PLCH1: variants seen among roughly 807,000 people sequenced by gnomAD.
PLCH1 encodes 1-phosphatidylinositol 4,5-bisphosphate phosphodiesterase eta-1.
PLCH1 carries 60 observed loss-of-function variants against 126.7 expected under a neutral mutation model. That is an observed-to-expected ratio of 0.47 (90% CI 0.38 to 0.59). The LOEUF (loss-of-function observed/expected upper bound fraction) is 0.59. PLCH1 is among the 20% of genes least tolerant of loss of function. The pLI is 0.00. For missense variants in PLCH1, 1,723 were observed against 2,040.0 expected, an observed-to-expected ratio of 0.84 and a Z score of 2.99; for synonymous variants, 719 against 734.9, an observed-to-expected ratio of 0.98 and a Z score of 0.35.
At chr3:155,531,386 A>T (rs1459659254) in intron 10 of PLCH1, among the ~76,000 whole-genome samples, 1 of 152,210 alleles carries the variant, frequency 6.6e-6, no homozygotes. Flanking sequence ...GCACTTTGGG[A>T]GGCCAAGGCA....
intron 1 of PLCH1, among the ~76,000 whole-genome samples, chr3:155,733,453 T>C (rs1430770434): frequency 6.6e-6 from 1 of 152,086 alleles, no homozygotes; most frequent in African/African-American, 2.4e-5. Flanking sequence ...AAAGGTGCCA[T>C]GAACACACAA....
At chr3:155,554,421 G>A (rs1726542434) in intron 8 of PLCH1, among the ~76,000 whole-genome samples, 1 of 152,120 alleles carries the variant, frequency 6.6e-6, no homozygotes, top group African/African-American at 2.4e-5. Context: ...TTTGAGTGTG[G>A]TTAAAAAGAT....
At chr3:155,617,428 T>C (rs1914799) in intron 2 of PLCH1, among the ~76,000 whole-genome samples, 73,793 of 151,888 alleles carry the variant, frequency 0.49, 20,314 homozygotes, top group African/African-American at 0.74. Context: ...TAAAATAATC[T>C]TTCTATGACT....
intron 10 of PLCH1, among the ~76,000 whole-genome samples, chr3:155,538,592 A>C (rs1022810793): frequency 6.6e-6 from 1 of 152,192 alleles, no homozygotes; most frequent in Non-Finnish European, 1.5e-5. Context: ...ACAGAAATAC[A>C]AAAGTTCATT....
intron 21 of PLCH1, among the ~76,000 whole-genome samples, chr3:155,468,790 A>C (rs1560031355): frequency 6.6e-6 from 1 of 152,198 alleles, no homozygotes; most frequent in Non-Finnish European, 1.5e-5. Context: ...ATTAGAGGTA[A>C]AGAGAGAGCT....
chr3:155,638,619 A>C (rs1218302466), intron 2 of PLCH1, among the ~76,000 whole-genome samples: 1 of 152,224 alleles, frequency 6.6e-6, no homozygotes, highest in Non-Finnish European at 1.5e-5. Flanking sequence ...GAAGTCTTGA[A>C]CTTCAAGCTA....
intron 6 of PLCH1, among the ~76,000 whole-genome samples, chr3:155,569,434 T>C (rs1468738030): frequency 6.6e-6 from 1 of 152,176 alleles, no homozygotes; most frequent in East Asian, 1.9e-4. Flanking sequence ...TTTTGTCAGT[T>C]CAAAAGAACA....
chr3:155,726,878 CTTTTTTTTTT>C (rs201977097), intron 1 of PLCH1, among the ~76,000 whole-genome samples: 1 of 133,128 alleles, frequency 7.5e-6, no homozygotes, highest in African/African-American at 2.8e-5. Flanking sequence ...TTTCTTTTTT[CTTTTTTTTTT>C]TTTTTGTATT....
intron 21 of PLCH1, among the ~76,000 whole-genome samples, chr3:155,466,943 T>C (rs1712949776): frequency 6.6e-6 from 1 of 151,850 alleles, no homozygotes; most frequent in Non-Finnish European, 1.5e-5. Context: ...TGAAAATATA[T>C]AGTCAGAGGA....
chr3:155,596,178 T>C (rs1389054517), intron 3 of PLCH1, 54 bp downstream of exon 3: 1 of 1,399,834 alleles, frequency 7.1e-7, no homozygotes, highest in Non-Finnish European at 1.0e-6. Context: ...CCACTCAGTA[T>C]AACCCGTGTG....
At chr3:155,492,900 C>T (rs756461397) in intron 17 of PLCH1, 47 bp from the exon 18 acceptor site, 3 of 1,481,964 alleles carry the variant, frequency 2.0e-6, no homozygotes, top group South Asian at 1.4e-5. Context: ...GAAACACACA[C>T]GCATGCACAG....
At chr3:155,722,284 C>T (rs540331440) in intron 1 of PLCH1, among the ~76,000 whole-genome samples, 3 of 152,014 alleles carry the variant, frequency 2.0e-5, no homozygotes, top group East Asian at 2.0e-4. Flanking sequence ...CTGCTTTAGC[C>T]TCCTGAGTAG....
intron 2 of PLCH1, among the ~76,000 whole-genome samples, chr3:155,646,265 C>A (rs947288268): frequency 2.6e-5 from 4 of 152,206 alleles, no homozygotes; most frequent in African/African-American, 9.7e-5. Context: ...TGGCTTCAGG[C>A]TCAAGCCTGG....
At chr3:155,451,529 G>T (rs1712307657) in intron 21 of PLCH1, among the ~76,000 whole-genome samples, 3 of 152,114 alleles carry the variant, frequency 2.0e-5, no homozygotes, top group Admixed American at 2.0e-4. Context: ...TTACTTATGG[G>T]AATGTCTATG....
chr3:155,524,236 T>C (rs1226906552), intron 10 of PLCH1, among the ~76,000 whole-genome samples: 1 of 152,192 alleles, frequency 6.6e-6, no homozygotes, highest in African/African-American at 2.4e-5. Flanking sequence ...GAAAGTGTAT[T>C]GTATGATTCC....
intron 8 of PLCH1, among the ~76,000 whole-genome samples, chr3:155,561,788 A>G (rs912626889): frequency 6.6e-6 from 1 of 151,784 alleles, no homozygotes; most frequent in African/African-American, 2.4e-5. Flanking sequence ...CATCCTCTCC[A>G]GTACTTTTTT....
At chr3:155,680,879 C>G (rs1222071018) in intron 2 of PLCH1, among the ~76,000 whole-genome samples, 3 of 152,070 alleles carry the variant, frequency 2.0e-5, no homozygotes, top group Non-Finnish European at 4.4e-5. Context: ...TACTGTCTAA[C>G]CATTAACGAT....
chr3:155,628,125 T>G (rs2108800614), intron 2 of PLCH1, among the ~76,000 whole-genome samples: 1 of 152,204 alleles, frequency 6.6e-6, no homozygotes, highest in African/African-American at 2.4e-5. Context: ...AACATGATTC[T>G]ATTTGAGTTA....
chr3:155,676,514 C>T (rs1022503282), intron 2 of PLCH1: 11 of 393,800 alleles, frequency 2.8e-5, no homozygotes, highest in East Asian at 1.6e-4. Flanking sequence ...GTGGGAGTGA[C>T]GCAGACTGAA....
Sources: gnomAD v4.1 joint callset for allele counts (sites outside exome capture counted in the v4.1 genomes callset) on GRCh38, gnomAD v4.1.1 for gene constraint, MANE v1.5 for transcripts, NCBI Gene and HGNC (gene_info 2026-07-23, HGNC 2026-07-21) for gene names.